Variants in IL1RAPL2 observed in about 807,000 individuals in gnomAD.
IL1RAPL2 encodes the protein interleukin 1 receptor accessory protein like 2, also known as X-linked interleukin-1 receptor accessory protein-like 2.
IL1RAPL2 carries 3 observed loss-of-function variants against 44.1 expected under a neutral mutation model. The ratio of observed to expected loss-of-function variants is 0.07; its 90% CI spans 0.03 to 0.18. The LOEUF (loss-of-function observed/expected upper bound fraction) is 0.18, where lower values mean the gene tolerates loss of function less well. Among genes scored for constraint, IL1RAPL2 ranks in the 10% least tolerant of loss-of-function variants. IL1RAPL2 has a pLI of 1.00. For missense variants in IL1RAPL2, 391 were observed against 496.4 expected, an observed-to-expected ratio of 0.79 and a Z score of 2.02; for synonymous variants, 181 against 178.8, an observed-to-expected ratio of 1.01 and a Z score of -0.10.
chrX:104,847,681 T>C (rs912143094), intron 2 of IL1RAPL2, among the ~76,000 whole-genome samples: 3 of 111,868 alleles, frequency 2.7e-5, no homozygotes, highest in African/African-American at 9.7e-5. Context: ...TGCGGGTTCT[T>C]TTTTGGTTTC....
At chrX:105,563,643 G>T (rs1487099014) in intron 6 of IL1RAPL2, among the ~76,000 whole-genome samples, 1 of 112,106 alleles carries the variant, frequency 8.9e-6, no homozygotes, top group East Asian at 2.8e-4. Context: ...GTGGTTACAT[G>T]AATTGCCCAA....
At position 105,239,601 on chromosome X, in the gene IL1RAPL2, AT is replaced by A. The variant is rs782692218; in HGVS notation, c.543+5606del. 1.0e-4 allele frequency among the ~76,000 whole-genome samples: 11 copies of A among 108,645 alleles called. 1 individual carries two copies. The South Asian group carries it at 2.5e-3, about 25-fold the overall frequency. The allele number at this position is 108,645 out of a possible 115,157, so 94.3% of individuals were successfully genotyped here. A position where few individuals can be genotyped will look rare whatever the true frequency, so the allele number is the denominator to read the frequency against. On this transcript the variant is annotated intron_variant, in intron 4 of 10. Coordinates refer to ENST00000372582, the MANE Select transcript of IL1RAPL2 (RefSeq NM_017416.2). ...TGGTTATCCATGTATAAGGCTGGCC[AT>A]TTTTTTTTCTGGGGAGAAACTTCCC... is the stretch of plus-strand genomic sequence containing the variant.
intron 2 of IL1RAPL2, among the ~76,000 whole-genome samples, chrX:105,002,303 T>G (rs1329248952): frequency 9.0e-6 from 1 of 111,106 alleles, no homozygotes; most frequent in African/African-American, 3.3e-5. Context: ...AGTTTGAGTG[T>G]AAAATAAAGA....
intron 5 of IL1RAPL2, among the ~76,000 whole-genome samples, chrX:105,425,577 A>G (rs2035803521): frequency 9.3e-6 from 1 of 107,998 alleles, no homozygotes; most frequent in South Asian, 4.1e-4. Context: ...ACTCAGTGTA[A>G]CTTCCCTCTC....
chrX:104,953,614 A>T (rs181930734), intron 2 of IL1RAPL2, among the ~76,000 whole-genome samples: 249 of 111,978 alleles, frequency 2.2e-3, no homozygotes, highest in African/African-American at 7.6e-3. Flanking sequence ...AAGCCAAGCT[A>T]ACTGGCTTAG....
intron 2 of IL1RAPL2, among the ~76,000 whole-genome samples, chrX:104,965,689 TATAA>T (rs1250585792): frequency 5.4e-5 from 6 of 111,801 alleles, no homozygotes; most frequent in African/African-American, 1.9e-4. Context: ...ATTTAAAGTA[TATAA>T]ATAAGAATCA....
At position 105,017,779 on chromosome X, in the gene IL1RAPL2, A is replaced by G. The variant is rs749281945; in HGVS notation, c.83-177696A>G. Among the ~76,000 whole-genome samples the G allele has an allele frequency of 3.6e-5, 4 of 111,520 alleles. No homozygotes were observed. In the East Asian group the frequency reaches 1.1e-3, roughly 32 times the overall value. On this transcript the variant is annotated intron_variant, in intron 2 of 10. Coordinates refer to ENST00000372582, the MANE Select transcript of IL1RAPL2 (RefSeq NM_017416.2). ...GCAAGTAGAAACATGTCTAGCAATA[A>G]AAGTAAAAAGAAGAAAAAACCATAA...
intron 2 of IL1RAPL2, among the ~76,000 whole-genome samples, chrX:104,773,281 G>A (rs1418967331): frequency 1.8e-5 from 2 of 111,662 alleles, no homozygotes; most frequent in African/African-American, 6.5e-5. Context: ...AACTTAATGT[G>A]TGTACCTCTC....
chrX:104,642,390 T>C (rs1296407777), intron 1 of IL1RAPL2, among the ~76,000 whole-genome samples: 7 of 112,495 alleles, frequency 6.2e-5, no homozygotes, highest in Non-Finnish European at 1.3e-4. Flanking sequence ...TATTTAACAA[T>C]CTATTATTGG....
At chrX:105,116,676 C>T (rs762684575) in intron 2 of IL1RAPL2, among the ~76,000 whole-genome samples, 3 of 112,195 alleles carry the variant, frequency 2.7e-5, no homozygotes, top group African/African-American at 9.7e-5. Context: ...AAGTTTGAAA[C>T]GTCCTTTTGT....
intron 2 of IL1RAPL2, among the ~76,000 whole-genome samples, chrX:104,982,703 C>G (rs1425634962): frequency 3.6e-5 from 4 of 110,669 alleles, no homozygotes; most frequent in Non-Finnish European, 7.6e-5. Flanking sequence ...TGCTTTTAAA[C>G]CTATACATTT....
At chrX:105,686,420 C>A in intron 6 of IL1RAPL2, among the ~76,000 whole-genome samples, 1 of 100,348 alleles carries the variant, frequency 1.0e-5, no homozygotes, top group Admixed American at 1.1e-4. Flanking sequence ...GGGCTGCAAT[C>A]CTAGTCTCTG....
chrX:105,463,909 A>T (rs1357385706), intron 5 of IL1RAPL2, among the ~76,000 whole-genome samples: 2 of 112,376 alleles, frequency 1.8e-5, no homozygotes, highest in Non-Finnish European at 3.8e-5. Context: ...ATTATAGATT[A>T]AGTATTTCTG....
chrX:105,091,635 T>C (rs1455578768), intron 2 of IL1RAPL2, among the ~76,000 whole-genome samples: 2 of 112,178 alleles, frequency 1.8e-5, no homozygotes, highest in Non-Finnish European at 3.8e-5. Context: ...CTTACTACTG[T>C]CACTTATTAT....
chrX:105,289,482 C>T (rs73245768), intron 5 of IL1RAPL2, among the ~76,000 whole-genome samples: 5,972 of 111,404 alleles, frequency 0.054, 182 homozygotes, highest in Non-Finnish European at 0.088. Flanking sequence ...ATGATTATGG[C>T]TTAAACCAGG....
chrX:104,909,494 T>G (rs1236197141), intron 2 of IL1RAPL2, among the ~76,000 whole-genome samples: 3 of 111,865 alleles, frequency 2.7e-5, no homozygotes, highest in African/African-American at 6.5e-5. Context: ...TTTGGTCTTC[T>G]ATGATGGTGA....
chrX:104,868,771 G>C (rs184830913), intron 2 of IL1RAPL2, among the ~76,000 whole-genome samples: 15 of 111,654 alleles, frequency 1.3e-4, no homozygotes, highest in African/African-American at 4.9e-4. Context: ...ATTTTATTTT[G>C]CCAAATACAC....
intron 10 of IL1RAPL2, among the ~76,000 whole-genome samples, chrX:105,758,394 C>G (rs980507665): frequency 9.5e-6 from 1 of 105,432 alleles, no homozygotes; most frequent in Non-Finnish European, 1.9e-5. Context: ...TACACAGTTT[C>G]GAAAGTACAT....
At chrX:105,404,321 T>C (rs2035626920) in intron 5 of IL1RAPL2, among the ~76,000 whole-genome samples, 1 of 111,966 alleles carries the variant, frequency 8.9e-6, no homozygotes, top group Non-Finnish European at 1.9e-5. Flanking sequence ...TCATTTCCCA[T>C]GTTAAGCCTT....
Sources: allele counts gnomAD v4.1 joint callset (sites outside exome capture counted in the v4.1 genomes callset), GRCh38; gene constraint gnomAD v4.1.1; transcripts MANE v1.5; gene names NCBI Gene and HGNC (gene_info 2026-07-23, HGNC 2026-07-21).